The following PRDM16 variants were observed in gnomAD, a reference collection of about 807,000 sequenced individuals.
PRDM16 encodes PR/SET domain 16, also known as histone-lysine N-methyltransferase PRDM16.
In PRDM16, 23 loss-of-function variants were observed where a neutral mutation model predicts 110.6. The ratio of observed to expected loss-of-function variants is 0.21; its 90% CI spans 0.15 to 0.29. PRDM16 has a LOEUF of 0.29. PRDM16 is among the 10% of genes least tolerant of loss of function. The pLI is 1.00. For synonymous variants in PRDM16, 799 were observed against 781.8 expected (o/e 1.02, Z -0.37); for missense variants, 1,615 against 1,794.3 (o/e 0.90, Z 1.81).
At chr1:3,320,571 G>C (rs1641717542) in intron 3 of PRDM16, among the ~76,000 whole-genome samples, 1 of 152,202 alleles carries the variant, frequency 6.6e-6, no homozygotes, top group South Asian at 2.1e-4. Flanking sequence ...GTCTGCATCT[G>C]TCCCCCGGAC....
Position 3,411,922 on chromosome 1 carries a change from C to G in PRDM16, c.1725C>G (p.Pro575=), listed in dbSNP as rs753442334. The G allele has an allele frequency of 6.2e-7, 1 of 1,613,716 alleles. No individual in the cohort carries two copies. Among genetic ancestry groups the G allele is most frequent in the South Asian group, 1.1e-5 (1 of 91,074 alleles). The change falls in exon 9 of 17, where the codon CCC becomes CCG. Residue 575 remains proline, a synonymous_variant. Transcript: ENST00000270722. ...AGGGCACGACGGCAGCTGCGGGGCC[C>G]GAGGAGAAGTTCGAGAGCCGCCTGG... ...SSQGTTAAAG[P]EEKFESRLED...
rs59791059 is a variant in PRDM16, at chr1:3,354,459, C to CAAAAA, written c.439-30677_439-30673dup. Reference sequence around the variant, plus strand: ...TGGGTGACAGGGCGAGACTCTGCCTCAAAAAAAAAAAAAAAAAAAATACCT... The same window carrying CAAAAA: ...TGGGTGACAGGGCGAGACTCTGCCTCAAAAAAAAAAAAAAAAAAAAAAAAATACCT... On this transcript the variant is annotated intron_variant, in intron 3 of 16. Coordinates refer to ENST00000270722, the MANE Select transcript of PRDM16 (RefSeq NM_022114.4). 3.9e-4 allele frequency among the ~76,000 whole-genome samples: 44 copies of CAAAAA among 113,244 alleles called. 1 individual carries two copies. The highest frequency in any genetic ancestry group is 1.1e-3 in the African/African-American group (33 of 31,250). The allele number at this position is 113,244 out of a possible 152,430, so 74.3% of individuals were successfully genotyped here.
chr1:3,180,296 G>C (rs922785707), intron 1 of PRDM16, among the ~76,000 whole-genome samples: 1 of 152,048 alleles, frequency 6.6e-6, no homozygotes, highest in African/African-American at 2.4e-5. Context: ...TCACAGGCCT[G>C]AAGTAATCAC....
At position 3,081,470 on chromosome 1, in the gene PRDM16, G is replaced by C. The variant is rs1642027703; in HGVS notation, c.37+12174G>C. ...TGTCCCACCAGACCGAGCTGTGGCCGTGTGAGGAGCAGGGCTGAGGTGGGG... is the reference window on the plus strand; with the variant it reads ...TGTCCCACCAGACCGAGCTGTGGCCCTGTGAGGAGCAGGGCTGAGGTGGGG... On this transcript the variant is annotated intron_variant, in intron 1 of 16. Coordinates refer to ENST00000270722, the MANE Select transcript of PRDM16 (RefSeq NM_022114.4). This position sits in a 1 kb window ranked among gnomAD's most constrained non-coding sequence, Gnocchi z 4.6. 6.6e-6 allele frequency among the ~76,000 whole-genome samples: 1 copy of C among 152,206 alleles called. No individual in the cohort carries two copies. The highest frequency in any genetic ancestry group is 1.5e-5 in the Non-Finnish European group (1 of 68,030).
At chr1:3,220,616 A>G (rs1343898501) in intron 2 of PRDM16, among the ~76,000 whole-genome samples, 1 of 152,080 alleles carries the variant, frequency 6.6e-6, no homozygotes, top group African/African-American at 2.4e-5. Context: ...GACTTTGGGG[A>G]TGGTCTAGAG....
intron 3 of PRDM16, among the ~76,000 whole-genome samples, chr1:3,341,096 T>C (rs1466630089): frequency 6.6e-6 from 1 of 151,972 alleles, no homozygotes; most frequent in Non-Finnish European, 1.5e-5. Flanking sequence ...CTCTGAGCCC[T>C]CGTTTCTCCC....
At chr1:3,427,830 C>T (rs1638654361) in intron 14 of PRDM16, among the ~76,000 whole-genome samples, 1 of 152,176 alleles carries the variant, frequency 6.6e-6, no homozygotes, top group Non-Finnish European at 1.5e-5. Flanking sequence ...CTGCAGCCCC[C>T]AGGCTGTCCC....
rs533699717 is a variant in PRDM16 at position 3,378,439 on chromosome 1, G to A, written c.439-6713G>A. The stretch of plus-strand genomic sequence containing the variant: ...TCTTGTGGCTCCCAGAACAGGGCTC[G>A]GGGACCCTCCCTCTGGTCCTTGAGT... On this transcript the variant is annotated intron_variant, in intron 3 of 16. Coordinates refer to ENST00000270722, the MANE Select transcript of PRDM16 (RefSeq NM_022114.4). Among the ~76,000 whole-genome samples, 10 of 152,236 alleles carry A rather than the reference G, an allele frequency of 6.6e-5. No homozygotes were observed. The South Asian group carries it at 1.0e-3, about 16-fold the overall frequency.
In PRDM16 at chr1:3,301,185, G is replaced by T. The variant is rs1170511650; in HGVS notation, c.438+57048G>T. Reference sequence around the variant, plus strand: ...GTCTCTACAAAAAAATTAAAAATTAGCTGGATGTGATGGCATGTACCTGTA... The same window carrying T: ...GTCTCTACAAAAAAATTAAAAATTATCTGGATGTGATGGCATGTACCTGTA... On this transcript the variant is annotated intron_variant, in intron 3 of 16. Coordinates refer to ENST00000270722, the MANE Select transcript of PRDM16 (RefSeq NM_022114.4). 3.3e-5 allele frequency among the ~76,000 whole-genome samples: 5 copies of T among 152,148 alleles called. No individual in the cohort carries two copies. The South Asian group carries it at 8.3e-4, about 25-fold the overall frequency.
chr1:3,374,741 G>A (rs77823539), intron 3 of PRDM16, among the ~76,000 whole-genome samples: 1,602 of 152,338 alleles, frequency 0.011, 27 homozygotes, highest in African/African-American at 0.036. Context: ...CTCACTGCAA[G>A]GGCTGGTTCG....
chr1:3,403,501 G>T (rs990781871), intron 6 of PRDM16, among the ~76,000 whole-genome samples: 1 of 152,220 alleles, frequency 6.6e-6, no homozygotes, highest in Admixed American at 6.5e-5. Flanking sequence ...GCAAGAGCCA[G>T]AAGGGGTCAC....
rs574081852 is a variant in PRDM16, at chr1:3,167,239, C to G, written c.38-18886C>G. On this transcript the variant is annotated intron_variant, in intron 1 of 16. Coordinates refer to ENST00000270722, the MANE Select transcript of PRDM16 (RefSeq NM_022114.4). ...CCCCTGTCCCTCCCAGGCCTTCAGC[C>G]TGTACACAAAGCCCAGCAGTTGCCC... Among the ~76,000 whole-genome samples the G allele has an allele frequency of 5.3e-4, 80 of 152,260 alleles. 1 individual carries two copies. Among genetic ancestry groups the G allele is most frequent in the African/African-American group, 1.9e-3 (79 of 41,548 alleles).
intron 16 of PRDM16, 57 bp from the exon 17 acceptor site, chr1:3,433,620 G>C (rs1416794355): frequency 1.3e-6 from 2 of 1,556,868 alleles, no homozygotes; most frequent in East Asian, 4.6e-5. Flanking sequence ...GGGATGGCCC[G>C]CCCTGCCCAC....
intron 3 of PRDM16, among the ~76,000 whole-genome samples, chr1:3,327,257 T>A (rs1350625305): frequency 6.6e-6 from 1 of 152,214 alleles, no homozygotes; most frequent in Non-Finnish European, 1.5e-5. Context: ...GGCCGCCCCA[T>A]GCAGAACTCT....
intron 3 of PRDM16, among the ~76,000 whole-genome samples, chr1:3,349,244 GT>G (rs1426662597): frequency 3.3e-5 from 5 of 152,138 alleles, no homozygotes; most frequent in African/African-American, 1.2e-4. Flanking sequence ...CCCAGTGAGG[GT>G]CCCCGCCCCA....
intron 2 of PRDM16, among the ~76,000 whole-genome samples, chr1:3,218,956 C>A (rs924917292): frequency 1.3e-5 from 2 of 152,372 alleles, no homozygotes; most frequent in East Asian, 3.9e-4. Context: ...ATCCCAATGG[C>A]TTTCCGAAAG....
chr1:3,104,227 A>G (rs1220872036), intron 1 of PRDM16, among the ~76,000 whole-genome samples: 1 of 152,168 alleles, frequency 6.6e-6, no homozygotes, highest in African/African-American at 2.4e-5. Flanking sequence ...CCCAGGCGGC[A>G]CTGTGGGGAC....
At chr1:3,097,844 G>A (rs564216207) in intron 1 of PRDM16, among the ~76,000 whole-genome samples, 1 of 152,270 alleles carries the variant, frequency 6.6e-6, no homozygotes, top group African/African-American at 2.4e-5. Context: ...AGGGATGGGA[G>A]GCAGGTGCAG....
chr1:3,271,800 C>T (rs763168913), intron 3 of PRDM16, among the ~76,000 whole-genome samples: 8 of 152,186 alleles, frequency 5.3e-5, no homozygotes, highest in Non-Finnish European at 1.0e-4. Flanking sequence ...ACCCCCAGCA[C>T]GGAAAGCAGC....
Sources: gnomAD v4.1 joint callset for allele counts (sites outside exome capture counted in the v4.1 genomes callset) on GRCh38, gnomAD v4.1.1 for gene constraint, Gnocchi (gnomAD v3.1) non-coding constraint, MANE v1.5 for transcripts, NCBI Gene and HGNC (gene_info 2026-07-23, HGNC 2026-07-21) for gene names.